The following MYO16 variants were observed in gnomAD, a reference collection of about 807,000 sequenced individuals.
The protein encoded by MYO16 is myosin XVI.
Under a neutral mutation model 205.3 loss-of-function variants are expected in MYO16, and 94 were observed. The ratio of observed to expected loss-of-function variants is 0.46; its 90% CI spans 0.39 to 0.54. The LOEUF (loss-of-function observed/expected upper bound fraction) is 0.54. Ranked by LOEUF, MYO16 falls within the 20% of genes least tolerant of loss-of-function variation. MYO16 has a pLI of 0.00. For missense variants in MYO16, 2,315 were observed against 2,387.5 expected (o/e 0.97, Z 0.63); for synonymous variants, 988 against 954.0 (o/e 1.04, Z -0.66).
chr13:108,866,088 C>A, intron 11 of MYO16, 89 bp from the exon 12 acceptor site: 1 of 823,748 alleles, frequency 1.2e-6, no homozygotes, highest in Non-Finnish European at 1.8e-6. Context: ...ATTTATATTT[C>A]ATACACTGGT....
intron 27 of MYO16, among the ~76,000 whole-genome samples, chr13:109,075,456 C>T (rs9587770): frequency 0.025 from 1,641 of 65,832 alleles, 16 homozygotes; most frequent in Middle Eastern, 0.11. Context: ...ATGGCATGGT[C>T]TTGGCTCACT....
chr13:108,942,944 A>G (rs1882788770), intron 16 of MYO16, among the ~76,000 whole-genome samples: 4 of 152,186 alleles, frequency 2.6e-5, no homozygotes, highest in Admixed American at 2.6e-4. Context: ...CTAAAATTTA[A>G]CATCTTCTGT....
rs571378441 is a variant in MYO16 at position 109,146,249 on chromosome 13, A to G, written c.5164+4873A>G. 3.4e-4 allele frequency among the ~76,000 whole-genome samples: 52 copies of G among 152,356 alleles called. 1 individual carries two copies. The South Asian group carries it at 0.011, about 31-fold the overall frequency. On this transcript the variant is annotated intron_variant, in intron 32 of 34. Coordinates refer to ENST00000457511, the MANE Select transcript of MYO16 (RefSeq NM_001198950.3). ...ATTTGATTACATAAATATTCTGAAT[A>G]AGAACATTATGAGTTTGGAGTGAGA...
intron 21 of MYO16, among the ~76,000 whole-genome samples, chr13:109,000,258 A>G (rs1354223849): frequency 6.6e-6 from 1 of 152,226 alleles, no homozygotes; most frequent in Non-Finnish European, 1.5e-5. Flanking sequence ...CTAATAATTG[A>G]TAATGGCTAC....
At chr13:108,903,569 A>T (rs890150919) in intron 15 of MYO16, among the ~76,000 whole-genome samples, 11 of 152,284 alleles carry the variant, frequency 7.2e-5, no homozygotes, top group Admixed American at 2.6e-4. Flanking sequence ...AGTAACAGAG[A>T]TCTATTGTAT....
chr13:109,200,150 C>A (rs543701150), intron 34 of MYO16, among the ~76,000 whole-genome samples: 1 of 152,258 alleles, frequency 6.6e-6, no homozygotes, highest in African/African-American at 2.4e-5. Context: ...TTAAAATGCC[C>A]TCTCAGGTAG....
intron 27 of MYO16, among the ~76,000 whole-genome samples, chr13:109,098,308 G>T (rs1355164615): frequency 6.6e-6 from 1 of 152,178 alleles, no homozygotes; most frequent in Non-Finnish European, 1.5e-5. Flanking sequence ...TTGCCAATGA[G>T]AAGTAAGTTT....
At chr13:108,780,593 G>T (rs9521046) in intron 4 of MYO16, among the ~76,000 whole-genome samples, 51,399 of 151,802 alleles carry the variant, frequency 0.34, 9,847 homozygotes, top group East Asian at 0.62. Flanking sequence ...CCCTTGAAAA[G>T]GAAGGTCAGA....
intron 1 of MYO16, among the ~76,000 whole-genome samples, chr13:108,609,444 C>T (rs914093939): frequency 2.0e-5 from 3 of 152,172 alleles, no homozygotes; most frequent in Non-Finnish European, 2.9e-5. Context: ...CATACACCAG[C>T]GAGGTGCCTG....
At chr13:108,999,068 T>C (rs1885130403) in intron 21 of MYO16, among the ~76,000 whole-genome samples, 1 of 152,150 alleles carries the variant, frequency 6.6e-6, no homozygotes, top group African/African-American at 2.4e-5. Flanking sequence ...CCAGTTTTAA[T>C]TGGACATCAT....
intron 12 of MYO16, among the ~76,000 whole-genome samples, chr13:108,872,151 A>C (rs1394177993): frequency 6.6e-6 from 1 of 152,224 alleles, no homozygotes; most frequent in Non-Finnish European, 1.5e-5. Context: ...GTTACTATTG[A>C]TAATATTATT....
At chr13:108,968,030 A>G (rs918452251) in intron 20 of MYO16, among the ~76,000 whole-genome samples, 4 of 152,234 alleles carry the variant, frequency 2.6e-5, no homozygotes, top group Non-Finnish European at 1.5e-5. Flanking sequence ...TTACATTTGT[A>G]TGCGAATGTC....
chr13:108,701,705 A>G (rs1350372940), intron 2 of MYO16, among the ~76,000 whole-genome samples: 1 of 152,234 alleles, frequency 6.6e-6, no homozygotes, highest in African/African-American at 2.4e-5. Flanking sequence ...AGAAAAAAGT[A>G]GTCAACAGAA....
chr13:109,023,399 A>G (rs1450712261), intron 23 of MYO16, among the ~76,000 whole-genome samples: 1 of 76,724 alleles, frequency 1.3e-5, no homozygotes, highest in African/African-American at 5.4e-5. Context: ...ATAAATATAT[A>G]TTTATATATT....
chr13:108,982,079 C>CT (rs1884464109), intron 20 of MYO16, among the ~76,000 whole-genome samples: 1 of 152,082 alleles, frequency 6.6e-6, no homozygotes, highest in South Asian at 2.1e-4. Flanking sequence ...CCAGAAGCCC[C>CT]TGGAGGAAAT....
chr13:108,621,122 A>G (rs1463265868), intron 1 of MYO16, among the ~76,000 whole-genome samples: 1 of 152,222 alleles, frequency 6.6e-6, no homozygotes, highest in African/African-American at 2.4e-5. Context: ...TAGGCACCAC[A>G]TCTTCAGAAA....
chr13:108,664,378 C>T (rs1881633115), intron 1 of MYO16, among the ~76,000 whole-genome samples: 1 of 152,048 alleles, frequency 6.6e-6, no homozygotes, highest in South Asian at 2.1e-4. Context: ...TGTCTAATTG[C>T]CTCTTTAACC....
At chr13:108,857,759 C>T (rs1270486223) in intron 11 of MYO16, among the ~76,000 whole-genome samples, 1 of 152,208 alleles carries the variant, frequency 6.6e-6, no homozygotes, top group Admixed American at 6.5e-5. Context: ...CCCTCTTAAA[C>T]AGCAAATACT....
intron 16 of MYO16, among the ~76,000 whole-genome samples, chr13:108,940,756 A>G (rs1439209066): frequency 6.6e-6 from 1 of 152,216 alleles, no homozygotes; most frequent in Non-Finnish European, 1.5e-5. Context: ...GCCACAATCA[A>G]CTATCAAATG....
Sources: gnomAD v4.1 joint callset for allele counts (sites outside exome capture counted in the v4.1 genomes callset) on GRCh38, gnomAD v4.1.1 for gene constraint, MANE v1.5 for transcripts, NCBI Gene and HGNC (gene_info 2026-07-23, HGNC 2026-07-21) for gene names.